The following BTBD9 variants were observed in gnomAD, a reference collection of about 807,000 sequenced individuals.
BTBD9 encodes the protein BTB domain containing 9.
BTBD9 carries 49 observed loss-of-function variants against 64.3 expected under a neutral mutation model. The observed-to-expected ratio is 0.76, with a 90% CI of 0.61 to 0.97. The LOEUF (loss-of-function observed/expected upper bound fraction) is 0.97, where lower values mean the gene tolerates loss of function less well. BTBD9 is among the 50% of genes least tolerant of loss of function. BTBD9 has a pLI of 0.00. For synonymous variants in BTBD9, 260 were observed against 274.7 expected, an observed-to-expected ratio of 0.95 and a Z score of 0.53; for missense variants, 598 against 762.1, an observed-to-expected ratio of 0.78 and a Z score of 2.53.
At position 38,324,348 on chromosome 6, in the gene BTBD9, T is replaced by C. The variant is rs144239891; in HGVS notation, c.1264+20636A>G. Reference sequence around the variant, plus strand: ...GCCAACCAAAGCCAATAATTACTTATAGAAAACGTCATGTCTAGGCAGCAG... The same window carrying C: ...GCCAACCAAAGCCAATAATTACTTACAGAAAACGTCATGTCTAGGCAGCAG... On this transcript the variant is annotated intron_variant, in intron 7 of 10. Transcript: ENST00000481247. Among the ~76,000 whole-genome samples, 799 of 152,312 alleles carry C rather than the reference T, an allele frequency of 5.2e-3. 11 individuals are homozygous for C. The highest frequency in any genetic ancestry group is 0.018 in the African/African-American group (740 of 41,572).
chr6:38,251,544 T>C (rs533274685), intron 9 of BTBD9, among the ~76,000 whole-genome samples: 8 of 152,230 alleles, frequency 5.3e-5, no homozygotes, highest in Admixed American at 1.3e-4. Context: ...GGATTACAGG[T>C]GTGAGCCATT....
At chr6:38,447,502 A>G (rs1769328554) in intron 6 of BTBD9, among the ~76,000 whole-genome samples, 1 of 152,238 alleles carries the variant, frequency 6.6e-6, no homozygotes, top group Admixed American at 6.5e-5. Flanking sequence ...GAAAAACACC[A>G]GCAGGAGAAG....
rs202098014 is a variant in BTBD9 at position 38,292,023 on chromosome 6, G to A, written c.1265-3562C>T. The stretch of plus-strand genomic sequence containing the variant: ...GTTGCCCAGGCCGGAGTGCAGTAGC[G>A]AAATCTCAGCTCACTGCAGCCTCCG... On this transcript the variant is annotated intron_variant, in intron 7 of 10. Transcript: ENST00000481247. 8.9e-4 allele frequency among the ~76,000 whole-genome samples: 135 copies of A among 151,606 alleles called. 1 individual carries two copies. In the East Asian group the frequency reaches 0.01, roughly 11 times the overall value.
chr6:38,589,380 T>C (rs1776693329), intron 4 of BTBD9, among the ~76,000 whole-genome samples: 1 of 152,168 alleles, frequency 6.6e-6, no homozygotes, highest in Non-Finnish European at 1.5e-5. Context: ...CTATAATGAA[T>C]CCAGTTCTAG....
intron 6 of BTBD9, among the ~76,000 whole-genome samples, chr6:38,560,392 T>C (rs1277442632): frequency 6.6e-6 from 1 of 152,140 alleles, no homozygotes; most frequent in African/African-American, 2.4e-5. Context: ...TAATAGCTAT[T>C]ACTATTATTT....
chr6:38,247,745 G>A (rs1205029192), intron 9 of BTBD9, among the ~76,000 whole-genome samples: 2 of 152,168 alleles, frequency 1.3e-5, no homozygotes, highest in Admixed American at 6.5e-5. Flanking sequence ...TCCTTTCCAG[G>A]GAAACACAGC....
intron 6 of BTBD9, among the ~76,000 whole-genome samples, chr6:38,475,120 A>G (rs1188546981): frequency 1.3e-5 from 2 of 152,202 alleles, no homozygotes; most frequent in African/African-American, 4.8e-5. Context: ...CAGAATATAA[A>G]ACATACATAA....
intron 6 of BTBD9, among the ~76,000 whole-genome samples, chr6:38,548,100 T>C (rs1774632927): frequency 6.6e-6 from 1 of 151,916 alleles, no homozygotes; most frequent in African/African-American, 2.4e-5. Context: ...TTTATACTCA[T>C]TTAGTTACCT....
rs1766633880 is a variant in BTBD9, at chr6:38,168,937, G to A, written c.*6048C>T. On this transcript the variant is annotated 3_prime_UTR_variant, in exon 11 of 11. Transcript: ENST00000481247. The stretch of plus-strand genomic sequence containing the variant: ...GGGAAGGGTGGCCTCAGGGACATAA[G>A]GACCAGGGAGCGTGTGATGGAGAGA... 6.6e-6 allele frequency: 1 copy of A among 152,372 alleles called. No individual in the cohort carries two copies. Among genetic ancestry groups the A allele is most frequent in the African/African-American group, 2.4e-5 (1 of 41,474 alleles). The allele number at this position is 152,372 out of a possible 1,614,324, so 9.4% of individuals were successfully genotyped here.
intron 9 of BTBD9, among the ~76,000 whole-genome samples, chr6:38,249,642 C>G (rs1764324014): frequency 6.6e-6 from 1 of 151,990 alleles, no homozygotes; most frequent in Admixed American, 6.6e-5. Flanking sequence ...CAGCAAGCCC[C>G]CAGGACAGCA....
intron 6 of BTBD9, among the ~76,000 whole-genome samples, chr6:38,557,562 C>G (rs1775084986): frequency 6.6e-6 from 1 of 152,194 alleles, no homozygotes; most frequent in Admixed American, 6.5e-5. Flanking sequence ...GTGGGCCTTA[C>G]CTATGTTATA....
At chr6:38,375,951 G>GAA (rs1765679054) in intron 6 of BTBD9, among the ~76,000 whole-genome samples, 1 of 96,914 alleles carries the variant, frequency 1.0e-5, no homozygotes, top group South Asian at 5.0e-4. Flanking sequence ...AGGAAAGAAG[G>GAA]AAAGAAAGAA....
chr6:38,594,376 C>A, intron 2 of BTBD9, 49 bp from the exon 3 acceptor site: 1 of 1,516,194 alleles, frequency 6.6e-7, no homozygotes, highest in Non-Finnish European at 8.8e-7. Flanking sequence ...ATAGGATTTG[C>A]TACAAAATAT....
chr6:38,497,465 G>A (rs1455020855), intron 6 of BTBD9, among the ~76,000 whole-genome samples: 3 of 152,194 alleles, frequency 2.0e-5, no homozygotes, highest in South Asian at 4.2e-4. Context: ...CCTAACCATA[G>A]CATTAGAACG....
intron 9 of BTBD9, among the ~76,000 whole-genome samples, chr6:38,235,332 A>G (rs1380399449): frequency 6.6e-6 from 1 of 152,202 alleles, no homozygotes; most frequent in East Asian, 1.9e-4. Context: ...TCAAGACTGG[A>G]GGGTCAGAGC....
At chr6:38,379,486 T>C (rs908637729) in intron 6 of BTBD9, among the ~76,000 whole-genome samples, 2 of 152,024 alleles carry the variant, frequency 1.3e-5, no homozygotes, top group African/African-American at 4.8e-5. Context: ...ATCAAAGAAG[T>C]ATGAAATTCA....
At chr6:38,403,321 TTATATACA>T (rs1767026320) in intron 6 of BTBD9, among the ~76,000 whole-genome samples, 1 of 152,158 alleles carries the variant, frequency 6.6e-6, no homozygotes, top group South Asian at 2.1e-4. Flanking sequence ...GTTCTGGTAA[TTATATACA>T]TATGTATATC....
At chr6:38,205,121 T>G (rs1377132275) in intron 9 of BTBD9, among the ~76,000 whole-genome samples, 1 of 152,104 alleles carries the variant, frequency 6.6e-6, no homozygotes, top group Non-Finnish European at 1.5e-5. Flanking sequence ...AATTTAGATG[T>G]TCCAGTAAGA....
At chr6:38,383,672 G>A (rs1248323034) in intron 6 of BTBD9, among the ~76,000 whole-genome samples, 1 of 152,154 alleles carries the variant, frequency 6.6e-6, no homozygotes, top group Non-Finnish European at 1.5e-5. Context: ...AAAGTAAATG[G>A]AGGAACACAC....
Sources: allele counts gnomAD v4.1 joint callset (sites outside exome capture counted in the v4.1 genomes callset), GRCh38; gene constraint gnomAD v4.1.1; transcripts MANE v1.5; gene names NCBI Gene and HGNC (gene_info 2026-07-23, HGNC 2026-07-21).